Variants in MTUS2 observed in about 807,000 individuals in gnomAD.
The protein encoded by MTUS2 is microtubule-associated tumor suppressor candidate 2.
In MTUS2, 40 loss-of-function variants were observed where a neutral mutation model predicts 114.1. That is an observed-to-expected ratio of 0.35 (90% CI 0.27 to 0.46). MTUS2 has a LOEUF of 0.46. MTUS2 is among the 20% of genes least tolerant of loss of function. The probability of loss-of-function intolerance (pLI) is 1.00; values close to 1 mark genes in which losing one functional copy is unlikely to be tolerated. For missense variants in MTUS2, 1,679 were observed against 1,705.4 expected (o/e 0.98, Z 0.27); for synonymous variants, 688 against 672.0 (o/e 1.02, Z -0.37).
At chr13:29,087,181 G>C (rs1889729939) in intron 4 of MTUS2, among the ~76,000 whole-genome samples, 1 of 152,144 alleles carries the variant, frequency 6.6e-6, no homozygotes, top group South Asian at 2.1e-4. Context: ...TCTTGTTCCA[G>C]TTCTTAATGA....
intron 4 of MTUS2, among the ~76,000 whole-genome samples, chr13:29,057,591 C>A: frequency 6.6e-6 from 1 of 152,108 alleles, no homozygotes; most frequent in East Asian, 1.9e-4. Context: ...GGCTTAAAGT[C>A]TGTTTTGCCT....
intron 6 of MTUS2, among the ~76,000 whole-genome samples, chr13:29,286,686 C>CTATCTATCTATATATCTATT (rs1405035936): frequency 6.6e-6 from 1 of 151,874 alleles, no homozygotes; most frequent in East Asian, 1.9e-4. Context: ...ATCTATCTAT[C>CTATCTATCTATATATCTATT]TATCTATCTA....
At chr13:29,139,168 C>T (rs1892111891) in intron 5 of MTUS2, among the ~76,000 whole-genome samples, 1 of 152,122 alleles carries the variant, frequency 6.6e-6, no homozygotes, top group South Asian at 2.1e-4. Flanking sequence ...TGCTGACACA[C>T]AGACAACCCT....
At chr13:29,225,641 T>G (rs1459225645) in intron 5 of MTUS2, among the ~76,000 whole-genome samples, 1 of 152,234 alleles carries the variant, frequency 6.6e-6, no homozygotes, top group Non-Finnish European at 1.5e-5. Context: ...TGAATTCTCT[T>G]TAGTTTCCTT....
chr13:29,053,407 C>T (rs1887992733), intron 4 of MTUS2, among the ~76,000 whole-genome samples: 1 of 152,088 alleles, frequency 6.6e-6, no homozygotes, highest in South Asian at 2.1e-4. Flanking sequence ...CAGAGCATTG[C>T]CATTTAGGTG....
intron 7 of MTUS2, 97 bp from the exon 8 acceptor site, chr13:29,359,165 A>T: frequency 8.6e-7 from 1 of 1,165,696 alleles, no homozygotes; most frequent in Non-Finnish European, 1.2e-6. Context: ...TTTCTTCTCT[A>T]CCACTTGAAG....
chr13:29,135,596 A>G (rs1421611041), intron 5 of MTUS2, among the ~76,000 whole-genome samples: 1 of 151,740 alleles, frequency 6.6e-6, no homozygotes, highest in Non-Finnish European at 1.5e-5. Context: ...GCCTTATAGG[A>G]TTTCTGTCCT....
intron 2 of MTUS2, among the ~76,000 whole-genome samples, chr13:29,011,540 T>G (rs139680109): frequency 1.3e-5 from 2 of 152,376 alleles, no homozygotes; most frequent in East Asian, 3.9e-4. Flanking sequence ...TTATCTCAGT[T>G]GAACAGAAAA....
At chr13:29,187,237 G>C (rs1894263587) in intron 5 of MTUS2, among the ~76,000 whole-genome samples, 1 of 151,928 alleles carries the variant, frequency 6.6e-6, no homozygotes, top group East Asian at 1.9e-4. Flanking sequence ...CAAGTAGAAG[G>C]AGGGAAACAA....
chr13:29,050,422 G>A (rs1887838393), intron 4 of MTUS2, among the ~76,000 whole-genome samples: 1 of 151,816 alleles, frequency 6.6e-6, no homozygotes, highest in African/African-American at 2.4e-5. Flanking sequence ...TACAAAGCAA[G>A]TGACCCCATC....
chr13:29,323,319 G>A (rs527391840), intron 6 of MTUS2, among the ~76,000 whole-genome samples: 1 of 151,084 alleles, frequency 6.6e-6, no homozygotes, highest in Non-Finnish European at 1.5e-5. Flanking sequence ...GCGTGATCTC[G>A]GCTCACTGCA....
intron 6 of MTUS2, among the ~76,000 whole-genome samples, chr13:29,297,226 A>G (rs759932416): frequency 1.3e-5 from 2 of 152,186 alleles, no homozygotes; most frequent in African/African-American, 2.4e-5. Context: ...TGTCCTTGGC[A>G]TCTTTGTCTT....
intron 2 of MTUS2, among the ~76,000 whole-genome samples, chr13:28,981,206 G>A (rs1566267736): frequency 6.6e-6 from 1 of 151,956 alleles, no homozygotes; most frequent in Non-Finnish European, 1.5e-5. Flanking sequence ...ACAATATAAA[G>A]CATAAAAGTT....
At chr13:28,889,059 G>A (rs560371191) in intron 2 of MTUS2, among the ~76,000 whole-genome samples, 1 of 152,276 alleles carries the variant, frequency 6.6e-6, no homozygotes, top group Non-Finnish European at 1.5e-5. Context: ...GAAGTAATTA[G>A]CATTTACCGA....
At chr13:29,136,271 G>T (rs144517829) in intron 5 of MTUS2, among the ~76,000 whole-genome samples, 46 of 152,172 alleles carry the variant, frequency 3.0e-4, no homozygotes, top group African/African-American at 1.0e-3. Flanking sequence ...GGACAGTTTC[G>T]CCAGATATAG....
intron 4 of MTUS2, among the ~76,000 whole-genome samples, chr13:29,091,935 C>T (rs1232014434): frequency 6.6e-6 from 1 of 152,196 alleles, no homozygotes; most frequent in Non-Finnish European, 1.5e-5. Flanking sequence ...GTTAACAAGC[C>T]AAAGCCTGAG....
At chr13:29,416,170 C>T (rs531313108) in intron 8 of MTUS2, among the ~76,000 whole-genome samples, 11 of 149,252 alleles carry the variant, frequency 7.4e-5, no homozygotes, top group Non-Finnish European at 1.3e-4. Context: ...CTCAGGTGAT[C>T]CACCCGCCTT....
chr13:29,314,541 C>T (rs1899907340), intron 6 of MTUS2, among the ~76,000 whole-genome samples: 1 of 152,114 alleles, frequency 6.6e-6, no homozygotes, highest in East Asian at 1.9e-4. Flanking sequence ...AGAAAATTGT[C>T]ATTTGCTGTA....
intron 4 of MTUS2, among the ~76,000 whole-genome samples, chr13:29,034,843 C>G (rs1315962559): frequency 6.6e-6 from 1 of 152,184 alleles, no homozygotes; most frequent in Non-Finnish European, 1.5e-5. Flanking sequence ...TGTCCCCCAC[C>G]ACTGCACCTT....
Sources: gnomAD v4.1 joint callset for allele counts (sites outside exome capture counted in the v4.1 genomes callset) on GRCh38, gnomAD v4.1.1 for gene constraint, MANE v1.5 for transcripts, NCBI Gene and HGNC (gene_info 2026-07-23, HGNC 2026-07-21) for gene names.